The following SMC3 variants were observed in gnomAD, a reference collection of about 807,000 sequenced individuals.
SMC3 encodes structural maintenance of chromosomes 3.
A neutral mutation model predicts 171.8 loss-of-function variants in SMC3; 20 were observed. The ratio of observed to expected loss-of-function variants is 0.12; its 90% confidence interval spans 0.08 to 0.17. The LOEUF is 0.17. SMC3 is among the 10% of genes least tolerant of loss of function. The pLI is 1.00. For synonymous variants in SMC3, 464 were observed against 451.1 expected (o/e 1.03, Z -0.36); for missense variants, 543 against 1,420.4 (o/e 0.38, Z 9.93).
At chr10:110,583,252 G>T in intron 10 of SMC3, 132 bp from the exon 11 acceptor site, 1 of 742,430 alleles carries the variant, frequency 1.3e-6, no homozygotes, top group East Asian at 2.6e-5. Flanking sequence ...GATTACACAA[G>T]GGAGAGTTAG....
chr10:110,596,355 AT>A (rs1446477776), intron 18 of SMC3, 42 bp from the exon 19 acceptor site: 16 of 1,544,978 alleles, frequency 1.0e-5, no homozygotes, highest in African/African-American at 1.4e-5. Context: ...TTATCATTGA[AT>A]AAAAAAGTTG....
At chr10:110,583,702 C>A in intron 11 of SMC3, 139 bp from the exon 12 acceptor site, 1 of 1,182,610 alleles carries the variant, frequency 8.5e-7, no homozygotes, top group Non-Finnish European at 1.2e-6. Context: ...TGGTACTGTC[C>A]CTTTGTTTCT....
In SMC3 at chr10:110,581,905, C is replaced by T. The variant is rs199951683; in HGVS notation, c.548-18C>T. 1 of 1,602,646 alleles carries T rather than the reference C, an allele frequency of 6.2e-7. No individual in the cohort carries two copies. Among genetic ancestry groups the T allele is most frequent in the South Asian group, 1.1e-5 (1 of 90,850 alleles). On this transcript the variant is annotated intron_variant, in intron 8 of 28. Transcript: ENST00000361804. ...AATCTTATTCAATTCTTCCACCTCT[C>T]TCCCCATTTCTTTTAAGAGGGCAAA...
In SMC3 at chr10:110,601,888, G is replaced by A. The variant is rs1432752716; in HGVS notation, c.2892+4G>A. The A allele has an allele frequency of 6.2e-7, 1 of 1,613,732 alleles. No homozygotes were observed. Among genetic ancestry groups the A allele is most frequent in the Non-Finnish European group, 8.5e-7 (1 of 1,179,850 alleles). On this transcript the variant is annotated splice_donor_region_variant and intron_variant, in intron 24 of 28. Coordinates refer to ENST00000361804, the MANE Select transcript of SMC3 (RefSeq NM_005445.4). ...CCAGACACTGAGCCTCAAACAGGTT[G>A]GTTTTAAATTTGAAGTCTTGTTACA...
intron 8 of SMC3, among the ~76,000 whole-genome samples, chr10:110,581,310 C>T (rs193285530): frequency 3.4e-3 from 506 of 150,984 alleles, no homozygotes; most frequent in Non-Finnish European, 5.3e-3. Context: ...CTCTGCCTCC[C>T]GGGTTCAAGT....
Position 110,582,624 on chromosome 10 carries a change from T to G in SMC3, c.786T>G (p.Asp262Glu), listed in dbSNP as rs1186869366. ...GACAATTAAGAGATGCTCAGCAGGA[T>G]GCAAGAGATAAAATGGAGGTAAGAT... is the stretch of plus-strand genomic sequence containing the variant. ...KSRQLRDAQQDARDKMEDIER... is the reference protein window; with the variant it reads ...KSRQLRDAQQEARDKMEDIER... Residue 262 changes from aspartate (D) to glutamate (E), a missense_variant, in exon 10 of 29, where the codon GAT becomes GAG. Asp to Glu is a conservative substitution (Grantham distance 45). Around this residue, in one of 8 missense-constraint regions of SMC3, gnomAD observed 146 missense variants for 437.9 expected, o/e 0.33. Transcript: ENST00000361804. 1 of 1,612,412 alleles carries G rather than the reference T, an allele frequency of 6.2e-7. No individual in the cohort carries two copies. Among genetic ancestry groups the G allele is most frequent in the Non-Finnish European group, 8.5e-7 (1 of 1,178,414 alleles).
chr10:110,594,994 AT>A (rs529113248), intron 18 of SMC3, among the ~76,000 whole-genome samples: 71 of 145,488 alleles, frequency 4.9e-4, no homozygotes, highest in Admixed American at 4.8e-4. Flanking sequence ...TCTTCTCTTT[AT>A]TTTTTTTTTT....
chr10:110,587,184 G>C (rs1861133628), intron 13 of SMC3, among the ~76,000 whole-genome samples: 1 of 152,162 alleles, frequency 6.6e-6, no homozygotes, highest in South Asian at 2.1e-4. Context: ...AGAAGGGGAA[G>C]CTCTTAGATA....
At chr10:110,577,387 T>C (rs1860968337) in intron 4 of SMC3, 34 bp from the exon 5 acceptor site, 1 of 1,521,398 alleles carries the variant, frequency 6.6e-7, no homozygotes, top group African/African-American at 1.4e-5. Context: ...ATATACAACT[T>C]AAATGGCAAA....
chr10:110,567,749 A>G lies in SMC3; in HGVS notation c.-68A>G, dbSNP rs1860793505. 2 of 1,601,902 alleles carry G rather than the reference A, an allele frequency of 1.2e-6. No homozygotes were observed. Among genetic ancestry groups the G allele is most frequent in the Non-Finnish European group, 8.5e-7 (1 of 1,169,984 alleles). On this transcript the variant is annotated 5_prime_UTR_variant, in exon 1 of 29. Coordinates refer to ENST00000361804, the MANE Select transcript of SMC3 (RefSeq NM_005445.4). ...GGGGGAGGGGTCGCGTAGGCGCCTC[A>G]CCTGACCCTGCGGCCGTGCGGTTGC...
intron 13 of SMC3, 29 bp downstream of exon 13, chr10:110,584,425 A>G (rs1306750526): frequency 1.3e-6 from 2 of 1,498,466 alleles, no homozygotes; most frequent in Non-Finnish European, 1.9e-6. Flanking sequence ...GCTTTGTAAA[A>G]ATCTTTCAGA....
At chr10:110,591,239 G>A in intron 17 of SMC3, 107 bp downstream of exon 17, 2 of 1,114,892 alleles carry the variant, frequency 1.8e-6, no homozygotes, top group Non-Finnish European at 1.3e-6. Context: ...ATTCAGTGGT[G>A]TATGAGATAA....
intron 1 of SMC3, chr10:110,568,233 C>G: frequency 3.8e-6 from 1 of 265,112 alleles, no homozygotes; most frequent in South Asian, 5.8e-5. Flanking sequence ...GCCCATGTGC[C>G]TGGGATGTGT....
chr10:110,568,884 A>G (rs1213365279), intron 1 of SMC3, 54 bp from the exon 2 acceptor site: 1 of 1,020,064 alleles, frequency 9.8e-7, no homozygotes, highest in Non-Finnish European at 1.6e-6. Flanking sequence ...TGCAAGAGAA[A>G]AATGTTAATT....
At chr10:110,594,414 C>T (rs1861262531) in intron 18 of SMC3, among the ~76,000 whole-genome samples, 1 of 151,940 alleles carries the variant, frequency 6.6e-6, no homozygotes, top group African/African-American at 2.4e-5. Flanking sequence ...TACATGTAAA[C>T]AATATTTTGA....
At chr10:110,598,390 C>G (rs1305777484) in intron 20 of SMC3, 100 bp downstream of exon 20, 10 of 1,299,588 alleles carry the variant, frequency 7.7e-6, no homozygotes, top group Non-Finnish European at 1.1e-5. Context: ...TTTTATGTTT[C>G]ATTTTTGTTT....
intron 13 of SMC3, among the ~76,000 whole-genome samples, chr10:110,588,242 G>A (rs1222463070): frequency 2.6e-5 from 4 of 152,056 alleles, no homozygotes; most frequent in Non-Finnish European, 4.4e-5. Flanking sequence ...TGCCCACCTC[G>A]GCCTCCCAAA....
chr10:110,588,611 C>G (rs911702548), intron 13 of SMC3, among the ~76,000 whole-genome samples: 8 of 152,068 alleles, frequency 5.3e-5, no homozygotes, highest in Admixed American at 3.9e-4. Flanking sequence ...TTTATGATTC[C>G]CCAGCTCTTC....
At chr10:110,580,288 A>G (rs1861012745) in intron 7 of SMC3, among the ~76,000 whole-genome samples, 1 of 152,108 alleles carries the variant, frequency 6.6e-6, no homozygotes, top group African/African-American at 2.4e-5. Flanking sequence ...TTGACTTTTA[A>G]TATATTATTG....
Sources: allele counts gnomAD v4.1 joint callset (sites outside exome capture counted in the v4.1 genomes callset), GRCh38; gene constraint gnomAD v4.1.1; regional missense constraint gnomAD v4.1.1; transcripts MANE v1.5; gene names NCBI Gene and HGNC (gene_info 2026-07-23, HGNC 2026-07-21).